ABCC1: variants seen among roughly 807,000 people sequenced by gnomAD.
The protein encoded by ABCC1 is ATP binding cassette subfamily C member 1 (ABCC1 blood group).
A neutral mutation model predicts 172.9 loss-of-function variants in ABCC1; 83 were observed. The ratio of observed to expected loss-of-function variants is 0.48; its 90% CI spans 0.40 to 0.58. ABCC1 has a LOEUF of 0.58. Ranked by LOEUF, ABCC1 falls within the 20% of genes least tolerant of loss-of-function variation. The probability of loss-of-function intolerance (pLI) is 0.00; values close to 1 mark genes in which losing one functional copy is unlikely to be tolerated. For missense variants in ABCC1, 1,817 were observed against 2,002.7 expected (o/e 0.91, Z 1.77); for synonymous variants, 937 against 825.2 (o/e 1.14, Z -2.32).
chr16:16,088,187 G>A (rs760112037), intron 18 of ABCC1, among the ~76,000 whole-genome samples: 1 of 151,990 alleles, frequency 6.6e-6, no homozygotes, highest in Non-Finnish European at 1.5e-5. Flanking sequence ...GGCACGGTGA[G>A]TAATCCCAAC....
chr16:15,986,267 C>G (rs574490740), intron 1 of ABCC1, among the ~76,000 whole-genome samples: 2 of 151,954 alleles, frequency 1.3e-5, no homozygotes, highest in Middle Eastern at 3.4e-3. Context: ...GATATTCCCA[C>G]CGTCCTCTTG....
chr16:16,133,036 AT>A, intron 27 of ABCC1, among the ~76,000 whole-genome samples: 2 of 152,156 alleles, frequency 1.3e-5, no homozygotes, highest in African/African-American at 4.8e-5. Context: ...AAACATTAGA[AT>A]TTGTGATCTC....
At chr16:15,990,328 T>A (rs2046830193) in intron 1 of ABCC1, among the ~76,000 whole-genome samples, 2 of 152,188 alleles carry the variant, frequency 1.3e-5, no homozygotes, top group African/African-American at 4.8e-5. Flanking sequence ...ATTACAGGCA[T>A]GAGCCATCAC....
chr16:16,081,070 G>GT (rs1225336572), intron 16 of ABCC1, among the ~76,000 whole-genome samples: 1 of 152,166 alleles, frequency 6.6e-6, no homozygotes, highest in Non-Finnish European at 1.5e-5. Flanking sequence ...ATTTTACCAT[G>GT]TTGACCTGGG....
chr16:15,999,183 T>C (rs2151671783), intron 1 of ABCC1, among the ~76,000 whole-genome samples: 1 of 152,106 alleles, frequency 6.6e-6, no homozygotes, highest in South Asian at 2.1e-4. Context: ...TTTTTAATAT[T>C]TTTAGTAGAG....
chr16:16,004,800 G>A (rs1174775556), intron 1 of ABCC1, among the ~76,000 whole-genome samples: 3 of 151,234 alleles, frequency 2.0e-5, no homozygotes, highest in Admixed American at 1.3e-4. Context: ...GATTACAGAC[G>A]TGCACTACCC....
At chr16:16,024,812 C>G (rs1356837853) in intron 5 of ABCC1, among the ~76,000 whole-genome samples, 1 of 152,042 alleles carries the variant, frequency 6.6e-6, no homozygotes, top group Non-Finnish European at 1.5e-5. Flanking sequence ...ACTTAAAAAG[C>G]CTTTGCAGGC....
chr16:15,960,671 G>A (rs956767800), intron 1 of ABCC1, among the ~76,000 whole-genome samples: 3 of 152,172 alleles, frequency 2.0e-5, no homozygotes, highest in Admixed American at 6.5e-5. Context: ...AGGCGGTGAG[G>A]TTTGACCCCA....
At chr16:16,010,323 T>C (rs4780588) in intron 3 of ABCC1, among the ~76,000 whole-genome samples, 33,606 of 151,986 alleles carry the variant, frequency 0.22, 4,762 homozygotes, top group African/African-American at 0.4. Context: ...ATTATAAGCA[T>C]GAGCCACTGT....
intron 22 of ABCC1, 145 bp from the exon 23 acceptor site, chr16:16,114,621 G>A (rs1567421049): frequency 4.9e-6 from 4 of 818,720 alleles, no homozygotes; most frequent in Admixed American, 2.9e-5. Context: ...GATTACAGGT[G>A]TGAGCCACCA....
intron 26 of ABCC1, among the ~76,000 whole-genome samples, chr16:16,128,047 A>G (rs905698809): frequency 6.7e-5 from 10 of 148,820 alleles, no homozygotes; most frequent in South Asian, 2.1e-4. Flanking sequence ...CAGCCTCCCA[A>G]TTAGCTGGGA....
intron 28 of ABCC1, among the ~76,000 whole-genome samples, 194 bp from the exon 29 acceptor site, chr16:16,136,284 A>C (rs748039789): frequency 1.3e-5 from 2 of 152,120 alleles, no homozygotes; most frequent in Non-Finnish European, 2.9e-5. Flanking sequence ...TCGGCCTGCC[A>C]AAGTGCTGGG....
intron 12 of ABCC1, among the ~76,000 whole-genome samples, chr16:16,061,985 A>C (rs2049936340): frequency 6.6e-6 from 1 of 151,902 alleles, no homozygotes; most frequent in Non-Finnish European, 1.5e-5. Context: ...GTTGCCCAGG[A>C]TGTTTTCAAA....
At chr16:15,978,393 A>G (rs1003267673) in intron 1 of ABCC1, among the ~76,000 whole-genome samples, 1 of 151,910 alleles carries the variant, frequency 6.6e-6, no homozygotes, top group African/African-American at 2.4e-5. Context: ...CAAACAAACA[A>G]ATAAACAAAA....
intron 1 of ABCC1, among the ~76,000 whole-genome samples, chr16:15,958,599 C>T (rs1158196059): frequency 2.6e-5 from 4 of 152,162 alleles, no homozygotes. Context: ...ATGATCAGCT[C>T]TTAGTGTGGT....
chr16:16,101,740 A>G (rs1227989657), intron 19 of ABCC1, among the ~76,000 whole-genome samples: 1 of 152,178 alleles, frequency 6.6e-6, no homozygotes, highest in Admixed American at 6.5e-5. Flanking sequence ...GAACCGGGAA[A>G]GAGATATGAT....
At chr16:16,087,674 G>C (rs2051065668) in intron 18 of ABCC1, among the ~76,000 whole-genome samples, 1 of 152,086 alleles carries the variant, frequency 6.6e-6, no homozygotes, top group Non-Finnish European at 1.5e-5. Context: ...GGTCAGGCTG[G>C]TCTCGAACTC....
At chr16:16,071,963 G>C (rs1186897332) in intron 14 of ABCC1, among the ~76,000 whole-genome samples, 2 of 152,116 alleles carry the variant, frequency 1.3e-5, no homozygotes, top group Admixed American at 1.3e-4. Flanking sequence ...ACTTGCACTT[G>C]CATTTTTGTT....
At chr16:16,090,379 TG>T (rs1224402049) in intron 18 of ABCC1, 25 bp from the exon 19 acceptor site, 2 of 1,560,550 alleles carry the variant, frequency 1.3e-6, no homozygotes, top group Non-Finnish European at 1.7e-6. Context: ...TGCACTCACG[TG>T]GCCGGGTGTC....
Sources: allele counts gnomAD v4.1 joint callset (sites outside exome capture counted in the v4.1 genomes callset), GRCh38; gene constraint gnomAD v4.1.1; transcripts MANE v1.5; gene names NCBI Gene and HGNC (gene_info 2026-07-23, HGNC 2026-07-21).